Variants in PARD3 observed in about 807,000 individuals in gnomAD.
The protein encoded by PARD3 is partitioning defective 3 homolog.
Under a neutral mutation model 155.4 loss-of-function variants are expected in PARD3, and 75 were observed. The observed-to-expected ratio is 0.48, with a 90% CI of 0.40 to 0.58. The LOEUF is 0.58. PARD3 is among the 20% of genes least tolerant of loss of function. The pLI is 0.00. For synonymous variants in PARD3, 576 were observed against 610.5 expected, an observed-to-expected ratio of 0.94 and a Z score of 0.83; for missense variants, 1,642 against 1,721.7, an observed-to-expected ratio of 0.95 and a Z score of 0.82.
intron 3 of PARD3, among the ~76,000 whole-genome samples, chr10:34,494,170 G>C (rs976614308): frequency 6.6e-6 from 1 of 152,106 alleles, no homozygotes; most frequent in African/African-American, 2.4e-5. Flanking sequence ...TATGGAATCC[G>C]GAAACACCTA....
At chr10:34,561,492 G>A (rs1214683887) in intron 2 of PARD3, among the ~76,000 whole-genome samples, 1 of 152,054 alleles carries the variant, frequency 6.6e-6, no homozygotes, top group Non-Finnish European at 1.5e-5. Flanking sequence ...GTCTTAGGAA[G>A]CTGTAACGCA....
intron 22 of PARD3, among the ~76,000 whole-genome samples, chr10:34,212,425 T>C (rs1348388965): frequency 6.6e-6 from 1 of 152,200 alleles, no homozygotes; most frequent in African/African-American, 2.4e-5. Flanking sequence ...CAAATTGGTA[T>C]TGTTATTTTG....
At chr10:34,372,297 T>G (rs1012291581) in intron 12 of PARD3, among the ~76,000 whole-genome samples, 3 of 152,158 alleles carry the variant, frequency 2.0e-5, no homozygotes, top group East Asian at 1.9e-4. Flanking sequence ...CTGACCAAAA[T>G]TAATCACAAA....
At chr10:34,636,048 AAAGAAGAAAGGAAGG>A (rs1338353187) in intron 2 of PARD3, among the ~76,000 whole-genome samples, 1 of 152,196 alleles carries the variant, frequency 6.6e-6, no homozygotes, top group South Asian at 2.1e-4. Context: ...AGAAAGAAAG[AAAGAAGAAAGGAAGG>A]AAGAAGGAAG....
chr10:34,603,007 T>C (rs2089923229), intron 2 of PARD3, among the ~76,000 whole-genome samples: 1 of 152,226 alleles, frequency 6.6e-6, no homozygotes, highest in African/African-American at 2.4e-5. Context: ...GCTGTGGTTT[T>C]GAAATTTCAA....
intron 1 of PARD3, among the ~76,000 whole-genome samples, chr10:34,744,326 G>T (rs1835035715): frequency 6.6e-6 from 1 of 152,138 alleles, no homozygotes; most frequent in Admixed American, 6.5e-5. Flanking sequence ...CAACAGCAAG[G>T]ATATTACATT....
At chr10:34,363,827 C>T (rs1839696288) in intron 12 of PARD3, among the ~76,000 whole-genome samples, 1 of 152,220 alleles carries the variant, frequency 6.6e-6, no homozygotes. Context: ...TGATTGTTTT[C>T]AGCAACAAAG....
chr10:34,754,094 C>T (rs1453861328), intron 1 of PARD3, among the ~76,000 whole-genome samples: 1 of 152,068 alleles, frequency 6.6e-6, no homozygotes, highest in African/African-American at 2.4e-5. Context: ...TAGCTCACTG[C>T]AGCCTCCTGG....
At chr10:34,153,241 G>A (rs1948858913) in intron 22 of PARD3, among the ~76,000 whole-genome samples, 1 of 152,106 alleles carries the variant, frequency 6.6e-6, no homozygotes, top group Non-Finnish European at 1.5e-5. Flanking sequence ...CTCCTGAGAG[G>A]CCGCAAGTGA....
intron 1 of PARD3, among the ~76,000 whole-genome samples, chr10:34,740,768 A>G (rs996499416): frequency 2.6e-5 from 4 of 152,180 alleles, no homozygotes; most frequent in East Asian, 3.9e-4. Flanking sequence ...AAATTGACGT[A>G]TATCTTTTGA....
At chr10:34,563,453 A>G (rs1488585316) in intron 2 of PARD3, among the ~76,000 whole-genome samples, 1 of 150,892 alleles carries the variant, frequency 6.6e-6, no homozygotes, top group Non-Finnish European at 1.5e-5. Flanking sequence ...TGCAACCTCC[A>G]CCTCCCGGGT....
At chr10:34,145,223 T>TTTTTTTTTTTA (rs1948443129) in intron 22 of PARD3, among the ~76,000 whole-genome samples, 15 of 61,756 alleles carry the variant, frequency 2.4e-4, no homozygotes, top group African/African-American at 1.5e-3. Flanking sequence ...ATATATATAT[T>TTTTTTTTTTTA]TTTTTTTTTT....
chr10:34,604,786 G>A (rs549862943), intron 2 of PARD3, among the ~76,000 whole-genome samples: 7 of 151,678 alleles, frequency 4.6e-5, no homozygotes, highest in East Asian at 1.9e-4. Flanking sequence ...GCGAATATAC[G>A]GCAGAGATAA....
At chr10:34,167,773 C>T (rs1223349103) in intron 22 of PARD3, among the ~76,000 whole-genome samples, 2 of 152,038 alleles carry the variant, frequency 1.3e-5, no homozygotes, top group Non-Finnish European at 2.9e-5. Context: ...GTGTCTCTGC[C>T]CTAGGAATGG....
intron 16 of PARD3, among the ~76,000 whole-genome samples, 174 bp downstream of exon 16, chr10:34,341,453 A>T (rs550337474): frequency 6.6e-6 from 1 of 152,196 alleles, no homozygotes; most frequent in Non-Finnish European, 1.5e-5. Context: ...AGGCTAAAAC[A>T]ATTAAATTTA....
At chr10:34,343,751 G>C in intron 15 of PARD3, 1 of 985,032 alleles carries the variant, frequency 1.0e-6, no homozygotes. Context: ...TATGACTTGA[G>C]AAGGCTTCAA....
At chr10:34,404,057 C>T (rs1039060038) in intron 5 of PARD3, among the ~76,000 whole-genome samples, 1 of 152,142 alleles carries the variant, frequency 6.6e-6, no homozygotes, top group Non-Finnish European at 1.5e-5. Context: ...ACACATTGTT[C>T]CCACAGTGGC....
chr10:34,152,590 C>T (rs568208506), intron 22 of PARD3, among the ~76,000 whole-genome samples: 4 of 152,308 alleles, frequency 2.6e-5, no homozygotes, highest in African/African-American at 9.6e-5. Context: ...TTCCAAAATG[C>T]TAGAGCCAGG....
chr10:34,267,129 T>A (rs1955357026), intron 22 of PARD3, among the ~76,000 whole-genome samples: 1 of 152,126 alleles, frequency 6.6e-6, no homozygotes, highest in African/African-American at 2.4e-5. Flanking sequence ...TAATTTTTTT[T>A]TTTTTACTTC....
Sources: allele counts gnomAD v4.1 joint callset (sites outside exome capture counted in the v4.1 genomes callset), GRCh38; gene constraint gnomAD v4.1.1; transcripts MANE v1.5; gene names NCBI Gene and HGNC (gene_info 2026-07-23, HGNC 2026-07-21).